Variants in DSG2 observed in about 807,000 individuals in gnomAD.
DSG2 encodes the protein desmoglein 2.
A neutral mutation model predicts 75.6 loss-of-function variants in DSG2; 45 were observed. That is an observed-to-expected ratio of 0.60 (90% CI 0.47 to 0.76). The LOEUF (loss-of-function observed/expected upper bound fraction) is 0.76, where lower values mean the gene tolerates loss of function less well. DSG2 is among the 30% of genes least tolerant of loss of function. The pLI, the probability that DSG2 is intolerant of heterozygous loss-of-function variation, is 0.00. For synonymous variants in DSG2, 429 were observed against 483.9 expected (o/e 0.89, Z 1.49); for missense variants, 1,267 against 1,357.4 (o/e 0.93, Z 1.05).
chr18:31,525,678 T>C (rs1482281497), intron 8 of DSG2, among the ~76,000 whole-genome samples: 1 of 152,142 alleles, frequency 6.6e-6, no homozygotes, highest in Non-Finnish European at 1.5e-5. Context: ...AACAAAAAGT[T>C]TCATTGGGCA....
At chr18:31,541,577 G>C (rs1377781450) in intron 13 of DSG2, among the ~76,000 whole-genome samples, 1 of 152,116 alleles carries the variant, frequency 6.6e-6, no homozygotes. Context: ...GAGTGTGTAG[G>C]AATCTAAGTC....
intron 10 of DSG2, 116 bp downstream of exon 10, chr18:31,535,528 G>A: frequency 1.1e-6 from 1 of 915,414 alleles, no homozygotes; most frequent in Non-Finnish European, 1.7e-6. Context: ...GGGAGCAGTG[G>A]CTCATGCCTG....
At chr18:31,515,270 TA>T (rs1289628201) in intron 1 of DSG2, among the ~76,000 whole-genome samples, 5 of 152,018 alleles carry the variant, frequency 3.3e-5, no homozygotes, top group South Asian at 2.1e-4. Context: ...GGGCAGCTAA[TA>T]TTTTTTTGTA....
In DSG2 at chr18:31,520,956, T is replaced by A; in HGVS notation, c.370T>A (p.Phe124Ile). The change falls in exon 4 of 15, where the codon TTT becomes ATT. Residue 124 changes from phenylalanine to isoleucine, a missense_variant. Coordinates refer to ENST00000261590, the MANE Select transcript of DSG2 (RefSeq NM_001943.5). The part of the protein sequence containing the change: ...TSILDREETP[F>I]FLLTGYALDA... ...CATTCTTGATCGAGAAGAAACACCA[T>A]TTTTTCTGGTAAGAAGAATAATTTT... The A allele has an allele frequency of 4.3e-6, 7 of 1,613,578 alleles. No individual in the cohort carries two copies. The highest frequency in any genetic ancestry group is 5.1e-6 in the Non-Finnish European group (6 of 1,179,820).
chr18:31,530,829 T>C (rs1309290674), intron 8 of DSG2, among the ~76,000 whole-genome samples, 158 bp from the exon 9 acceptor site: 1 of 152,186 alleles, frequency 6.6e-6, no homozygotes, highest in Non-Finnish European at 1.5e-5. Context: ...AATTTTTATT[T>C]GCTTGGTGTC....
rs889065751 is a variant in DSG2, at chr18:31,536,104, A to G, written c.1424-98A>G. ...AGGATAGAAAATGTCCTAAGTGGTT[A>G]GTACCTTCTCCACTCCAAATTGGCA... On this transcript the variant is annotated intron_variant, in intron 10 of 14. Transcript: ENST00000261590. 135 of 1,105,120 alleles carry G rather than the reference A, an allele frequency of 1.2e-4. 1 individual carries two copies. Among genetic ancestry groups the G allele is most frequent in the Middle Eastern group, 9.2e-4 (4 of 4,334 alleles). 68.5% of individuals were successfully genotyped at this position (1,105,120 alleles called of 1,614,324 possible).
At chr18:31,516,557 G>A (rs985266439) in intron 1 of DSG2, among the ~76,000 whole-genome samples, 1 of 152,178 alleles carries the variant, frequency 6.6e-6, no homozygotes, top group East Asian at 1.9e-4. Context: ...AGGATGAAAG[G>A]GTTGTTAACA....
chr18:31,536,061 C>A, intron 10 of DSG2, 141 bp from the exon 11 acceptor site: 1 of 762,624 alleles, frequency 1.3e-6, no homozygotes, highest in South Asian at 1.6e-5. Context: ...TTACTTGGTC[C>A]AAATTTGAAA....
intron 1 of DSG2, among the ~76,000 whole-genome samples, chr18:31,503,495 G>A (rs1257118005): frequency 2.6e-5 from 4 of 152,300 alleles, no homozygotes; most frequent in East Asian, 1.9e-4. Context: ...GCAGAAGAAT[G>A]TATAGGAAGA....
At chr18:31,542,366 A>G (rs927995436) in intron 13 of DSG2, 154 bp from the exon 14 acceptor site, 15 of 752,878 alleles carry the variant, frequency 2.0e-5, no homozygotes, top group South Asian at 1.1e-4. Flanking sequence ...CATAAGACTT[A>G]CATAAGTTAT....
At chr18:31,541,909 G>A (rs2073270635) in intron 13 of DSG2, among the ~76,000 whole-genome samples, 1 of 152,166 alleles carries the variant, frequency 6.6e-6, no homozygotes, top group Non-Finnish European at 1.5e-5. Flanking sequence ...TTCATCCGCA[G>A]CATGGTCCCC....
Position 31,546,151 on chromosome 18 carries a change from C to T in DSG2, c.2765C>T (p.Thr922Ile), listed in dbSNP as rs1304312144. ...VSSRQAQKVA[T>I]PLPDPMASRN... Reference sequence around the variant, plus strand: ...TCTAGGCAGGCGCAAAAGGTAGCTACACCTCTTCCTGACCCAATGGCTTCT... The same window carrying T: ...TCTAGGCAGGCGCAAAAGGTAGCTATACCTCTTCCTGACCCAATGGCTTCT... Residue 922 changes from threonine (T) to isoleucine (I), a missense_variant, in exon 15 of 15, where the codon ACA (threonine) becomes ATA (isoleucine). Transcript: ENST00000261590. 2 of 1,614,190 alleles carry T rather than the reference C, an allele frequency of 1.2e-6. No individual in the cohort carries two copies. The highest frequency in any genetic ancestry group is 1.7e-6 in the Non-Finnish European group (2 of 1,180,040).
chr18:31,500,793 A>G lies in DSG2; in HGVS notation c.45+2497A>G, dbSNP rs147439408. ...ATAATTTTCTGAATAAAATCAGAGA[A>G]TATTTCCTCTTCAAGGGTTCTTTGC... On this transcript the variant is annotated intron_variant, in intron 1 of 14. Coordinates refer to ENST00000261590, the MANE Select transcript of DSG2 (RefSeq NM_001943.5). Among the ~76,000 whole-genome samples, 124 of 152,326 alleles carry G rather than the reference A, an allele frequency of 8.1e-4. 2 individuals are homozygous for G. In the South Asian group the frequency reaches 0.021, roughly 25 times the overall value.
intron 1 of DSG2, among the ~76,000 whole-genome samples, chr18:31,516,431 G>A (rs1427023420): frequency 2.0e-5 from 3 of 152,184 alleles, no homozygotes; most frequent in African/African-American, 7.2e-5. Context: ...GAGTGAATAG[G>A]TACAGAGGTG....
intron 1 of DSG2, among the ~76,000 whole-genome samples, chr18:31,498,528 T>C (rs1383084518): frequency 6.6e-6 from 1 of 152,080 alleles, no homozygotes; most frequent in South Asian, 2.1e-4. Context: ...CCTATCGAAG[T>C]TGTGTTTTCC....
chr18:31,522,305 CCTCT>C (rs762873925), intron 6 of DSG2, 56 bp downstream of exon 6: 4 of 1,516,540 alleles, frequency 2.6e-6, no homozygotes, highest in Non-Finnish European at 3.6e-6. Context: ...TCCAGTTTCT[CCTCT>C]CTTTTTCTTT....
intron 1 of DSG2, among the ~76,000 whole-genome samples, chr18:31,515,307 G>A (rs756880952): frequency 1.6e-4 from 25 of 151,988 alleles, no homozygotes; most frequent in African/African-American, 5.3e-4. Flanking sequence ...GGGTTTTACC[G>A]TGTTAGCCAG....
At position 31,546,108 on chromosome 18, in the gene DSG2, A is replaced by C. The variant is rs778307914; in HGVS notation, c.2722A>C (p.Thr908Pro). 6.2e-7 allele frequency: 1 copy of C among 1,614,226 alleles called. No homozygotes were observed. The highest frequency in any genetic ancestry group is 1.1e-5 in the South Asian group (1 of 91,086). The change falls in exon 15 of 15, where the codon ACT becomes CCT. Residue 908 changes from threonine (T) to proline (P), a missense_variant. Transcript: ENST00000261590. ...NAEKVTQEIV[T>P]ERSVSSRQAQ... ...AGAGAAAGTAACTCAGGAAATAGTC[A>C]CTGAAAGATCTGTGTCTTCTAGGCA...
chr18:31,526,753 G>A (rs376082463), intron 8 of DSG2, among the ~76,000 whole-genome samples: 5 of 152,208 alleles, frequency 3.3e-5, no homozygotes, highest in South Asian at 2.1e-4. Flanking sequence ...CATATATGAC[G>A]ATGGCCCCGT....
Sources: allele counts gnomAD v4.1 joint callset (sites outside exome capture counted in the v4.1 genomes callset), GRCh38; gene constraint gnomAD v4.1.1; transcripts MANE v1.5; gene names NCBI Gene and HGNC (gene_info 2026-07-23, HGNC 2026-07-21).